Variants in NPC1 observed in about 807,000 individuals in gnomAD.
The protein encoded by NPC1 is Niemann-Pick C1 protein.
NPC1 carries 85 observed loss-of-function variants against 140.4 expected under a neutral mutation model. The observed-to-expected ratio is 0.61, with a 90% CI of 0.51 to 0.72. The LOEUF (loss-of-function observed/expected upper bound fraction) is 0.72, where lower values mean the gene tolerates loss of function less well. Ranked by LOEUF, NPC1 falls within the 30% of genes least tolerant of loss-of-function variation. NPC1 has a pLI of 0.00. For synonymous variants in NPC1, 656 were observed against 624.8 expected (o/e 1.05, Z -0.74); for missense variants, 1,504 against 1,623.8 (o/e 0.93, Z 1.27).
At chr18:23,512,468 T>TCC (rs1308106074) in intron 3 of NPC1, among the ~76,000 whole-genome samples, 2 of 152,236 alleles carry the variant, frequency 1.3e-5, no homozygotes, top group East Asian at 3.8e-4. Flanking sequence ...TCACCCAGGC[T>TCC]GGAGTACAGT....
intron 5 of NPC1, 110 bp from the exon 6 acceptor site, chr18:23,560,590 G>A: frequency 8.7e-7 from 1 of 1,145,514 alleles, no homozygotes; most frequent in East Asian, 2.5e-5. Context: ...ACAACTGAAA[G>A]AAGAAAAAGA....
At chr18:23,524,256 G>A in intron 1 of NPC1, 1 of 1,564,242 alleles carries the variant, frequency 6.4e-7, no homozygotes. Flanking sequence ...CCTCCTCCGG[G>A]CAGCTGTGAA....
At chr18:23,585,292 G>A (rs1001028957) in intron 1 of NPC1, among the ~76,000 whole-genome samples, 14 of 152,158 alleles carry the variant, frequency 9.2e-5, no homozygotes, top group African/African-American at 3.4e-4. Context: ...TGCCCCGGCT[G>A]GTCTTGAACT....
At chr18:23,518,037 T>G (rs2058055561), downstream of NPC1, among the ~76,000 whole-genome samples, 1 of 152,142 alleles carries the variant, frequency 6.6e-6, no homozygotes, top group Non-Finnish European at 1.5e-5. Flanking sequence ...GTTTAGACAA[T>G]AGATAAAGTG....
At position 23,551,913 on chromosome 18, in the gene NPC1, A is replaced by C. The variant is rs112768834; in HGVS notation, c.1554-186T>G. Among the ~76,000 whole-genome samples, 2,043 of 152,336 alleles carry C rather than the reference A, an allele frequency of 0.013. 40 individuals are homozygous for C. Among genetic ancestry groups the C allele is most frequent in the African/African-American group, 0.046 (1,929 of 41,588 alleles). On this transcript the variant is annotated intron_variant, in intron 9 of 24. Coordinates refer to ENST00000269228, the MANE Select transcript of NPC1 (RefSeq NM_000271.5). ...TGGGAGCTCAGAATCACTGGGCAAG[A>C]GGCAGGCAAATACAGCCCAGTGCCA...
downstream of NPC1, chr18:23,529,901 C>G: frequency 3.7e-6 from 4 of 1,086,640 alleles, no homozygotes; most frequent in African/African-American, 1.7e-5. Flanking sequence ...ACCTGCATGA[C>G]GAAACCACTT....
At chr18:23,519,280 G>A, downstream of NPC1, 2 of 951,650 alleles carry the variant, frequency 2.1e-6, no homozygotes, top group Non-Finnish European at 3.3e-6. Context: ...CACTTTGGGA[G>A]GCCAAGGCGG....
At chr18:23,527,331 C>T (rs889543622), downstream of NPC1, among the ~76,000 whole-genome samples, 12 of 151,428 alleles carry the variant, frequency 7.9e-5, no homozygotes, top group Admixed American at 1.3e-4. Context: ...CCCGGGAGGA[C>T]GAGGCTGCAG....
intron 23 of NPC1, chr18:23,533,845 G>C (rs573294967): frequency 3.7e-4 from 142 of 382,552 alleles, no homozygotes; most frequent in Non-Finnish European, 5.9e-4. Flanking sequence ...CAAAGCAATG[G>C]GAACTGAACC....
chr18:23,582,438 A>G (rs2059367583), intron 1 of NPC1, among the ~76,000 whole-genome samples: 1 of 152,148 alleles, frequency 6.6e-6, no homozygotes, highest in Admixed American at 6.5e-5. Flanking sequence ...TGCAAATCCA[A>G]TTTTGATTGC....
In NPC1 at chr18:23,557,171, C is replaced by T. The variant is rs150154006; in HGVS notation, c.901G>A (p.Glu301Lys). Reference protein sequence around the residue: ...WCYRKRYFVSEYTPIDSNIAF... With the variant: ...WCYRKRYFVSKYTPIDSNIAF... ...ATATTGCTATCGATGGGAGTGTACT[C>T]GGAGACAAAATACCGTTTTCTGAAA... is the stretch of plus-strand genomic sequence containing the variant. The change falls in exon 7 of 25, where the codon GAG (glutamate) becomes AAG (lysine). Residue 301 changes from glutamate (E) to lysine (K), a missense_variant. Coordinates refer to ENST00000269228, the MANE Select transcript of NPC1 (RefSeq NM_000271.5). 10 of 1,613,228 alleles carry T rather than the reference C, an allele frequency of 6.2e-6. No individual in the cohort carries two copies. The highest frequency in any genetic ancestry group is 2.7e-5 in the African/African-American group (2 of 74,916).
chr18:23,564,355 T>G (rs2059090954), intron 4 of NPC1, among the ~76,000 whole-genome samples: 1 of 152,196 alleles, frequency 6.6e-6, no homozygotes, highest in African/African-American at 2.4e-5. Flanking sequence ...TCTTGTCCTT[T>G]TTTTTGAGAC....
chr18:23,568,598 T>C (rs1000511733), intron 4 of NPC1, among the ~76,000 whole-genome samples: 6 of 152,214 alleles, frequency 3.9e-5, no homozygotes, highest in East Asian at 1.9e-4. Context: ...AAATTTTCCA[T>C]GTGGGAAGTT....
chr18:23,517,803 C>G (rs1459938070), downstream of NPC1, among the ~76,000 whole-genome samples: 1 of 152,116 alleles, frequency 6.6e-6, no homozygotes, highest in South Asian at 2.1e-4. Flanking sequence ...CCACAACCTC[C>G]GCCTTCTAGG....
In NPC1 at chr18:23,541,398, A is replaced by T. The variant is rs1199598211; in HGVS notation, c.2281T>A (p.Ser761Thr). Residue 761 changes from serine (S) to threonine (T), a missense_variant, in exon 15 of 25, where the codon TCT (serine) becomes ACT (threonine). Transcript: ENST00000269228. ...LSVMPAVHTFSLFAGLAVFID... is the reference protein window; with the variant it reads ...LSVMPAVHTFTLFAGLAVFID... ...AAGACTGCCAATCCCGCAAAGAGAG[A>T]GAAGGTGTGCACGGCTGGCATCACG... is the stretch of plus-strand genomic sequence containing the variant. 1 of 1,614,214 alleles carries T rather than the reference A, an allele frequency of 6.2e-7. No individual in the cohort carries two copies. Among genetic ancestry groups the T allele is most frequent in the Admixed American group, 1.7e-5 (1 of 60,024 alleles).
At chr18:23,516,204 G>A (rs901018960) in intron 3 of NPC1, 30 of 1,370,260 alleles carry the variant, frequency 2.2e-5, no homozygotes, top group Middle Eastern at 1.9e-4. Context: ...CATGGGGGAC[G>A]GTGGAAAGGA....
intron 3 of NPC1, among the ~76,000 whole-genome samples, chr18:23,570,818 A>G (rs1197510210): frequency 6.6e-6 from 1 of 152,152 alleles, no homozygotes; most frequent in Admixed American, 6.5e-5. Context: ...CAGAACAGAT[A>G]AAAAACTAAG....
chr18:23,556,372 A>G lies in NPC1; in HGVS notation c.1197T>C (p.Phe399=). The change falls in exon 8 of 25, where the codon TTT becomes TTC. Residue 399 remains phenylalanine, a synonymous_variant. Transcript: ENST00000269228. ...RLEKEYFDQH[F]GPFFRTEQLI... ...GCTGCTCCGTCCGGAAGAAAGGCCC[A>G]AAGTGCTGGTCAAAGTACTCTTTTT... 1.2e-6 allele frequency: 2 copies of G among 1,614,166 alleles called. No individual in the cohort carries two copies. Among genetic ancestry groups the G allele is most frequent in the African/African-American group, 1.3e-5 (1 of 75,046 alleles).
chr18:23,531,461 G>A lies in NPC1; in HGVS notation c.*741C>T, dbSNP rs1254041750. On this transcript the variant is annotated 3_prime_UTR_variant, in exon 25 of 25. Transcript: ENST00000269228. ...ATAGAATCTCTTCCATTTAGCTTTT[G>A]TATTTGTCTCTCAAAGCAGATAGGG... 2.6e-5 allele frequency: 35 copies of A among 1,364,834 alleles called. No homozygotes were observed. The highest frequency in any genetic ancestry group is 3.3e-5 in the Non-Finnish European group (34 of 1,040,404). The allele number at this position is 1,364,834 out of a possible 1,614,324, so 84.5% of individuals were successfully genotyped here.
Sources: allele counts gnomAD v4.1 joint callset (sites outside exome capture counted in the v4.1 genomes callset), GRCh38; gene constraint gnomAD v4.1.1; transcripts MANE v1.5; gene names NCBI Gene and HGNC (gene_info 2026-07-23, HGNC 2026-07-21).